MYO16: variants seen among roughly 807,000 people sequenced by gnomAD.
The protein encoded by MYO16 is myosin XVI, also known as unconventional myosin-XVI.
In MYO16, 94 loss-of-function variants were observed where a neutral mutation model predicts 205.3. That is an observed-to-expected ratio of 0.46 (90% CI 0.39 to 0.54). The LOEUF is 0.54. MYO16 is among the 20% of genes least tolerant of loss of function. MYO16 has a pLI of 0.00. For missense variants in MYO16, 2,315 were observed against 2,387.5 expected (o/e 0.97, Z 0.63); for synonymous variants, 988 against 954.0 (o/e 1.04, Z -0.66).
At chr13:108,862,683 T>C (rs1313889614) in intron 11 of MYO16, among the ~76,000 whole-genome samples, 1 of 152,202 alleles carries the variant, frequency 6.6e-6, no homozygotes, top group African/African-American at 2.4e-5. Context: ...TTCTTAAACA[T>C]GTGTTAGCTA....
chr13:108,556,235 G>T, the MYO16 span, among the ~76,000 whole-genome samples: 1 of 152,002 alleles, frequency 6.6e-6, no homozygotes. Context: ...TCAATAATGG[G>T]TGTACTAATT....
intron 23 of MYO16, among the ~76,000 whole-genome samples, chr13:109,024,026 ATGTATATATT>A (rs1886272395): frequency 1.9e-5 from 2 of 105,078 alleles, no homozygotes; most frequent in Admixed American, 1.1e-4. Flanking sequence ...TACAATGTGT[ATGTATATATT>A]TATATTTATA....
At chr13:108,902,954 C>T (rs1286886944) in intron 15 of MYO16, among the ~76,000 whole-genome samples, 3 of 152,164 alleles carry the variant, frequency 2.0e-5, no homozygotes, top group Non-Finnish European at 2.9e-5. Context: ...GTGATGAAAT[C>T]TCCTGCCCTC....
At chr13:109,086,722 T>A (rs1263024566) in intron 27 of MYO16, among the ~76,000 whole-genome samples, 1 of 152,198 alleles carries the variant, frequency 6.6e-6, no homozygotes, top group African/African-American at 2.4e-5. Flanking sequence ...TCCCTCAGAA[T>A]ATGTGTCTGG....
intron 1 of MYO16, among the ~76,000 whole-genome samples, chr13:108,637,033 C>T (rs1039741959): frequency 3.9e-5 from 6 of 152,162 alleles, no homozygotes; most frequent in Non-Finnish European, 7.4e-5. Flanking sequence ...ATATCCATAT[C>T]TGTGTCCATA....
chr13:108,841,484 T>G (rs1877241198), intron 9 of MYO16, among the ~76,000 whole-genome samples: 1 of 152,126 alleles, frequency 6.6e-6, no homozygotes, highest in African/African-American at 2.4e-5. Flanking sequence ...CAGGAGAAAT[T>G]TTTGGTAACA....
At chr13:109,010,381 T>C (rs1186890125) in intron 22 of MYO16, among the ~76,000 whole-genome samples, 1 of 152,310 alleles carries the variant, frequency 6.6e-6, no homozygotes, top group East Asian at 1.9e-4. Context: ...CCAGAAAACA[T>C]AACACACAAG....
chr13:109,010,210 C>G (rs1026551207), intron 22 of MYO16, among the ~76,000 whole-genome samples: 1 of 152,152 alleles, frequency 6.6e-6, no homozygotes, highest in African/African-American at 2.4e-5. Flanking sequence ...TAGAGCCATG[C>G]AATCTCTTCT....
intron 12 of MYO16, among the ~76,000 whole-genome samples, chr13:108,867,094 A>T (rs1878757134): frequency 1.3e-5 from 2 of 152,144 alleles, no homozygotes; most frequent in Non-Finnish European, 1.5e-5. Context: ...CTGTAATTCT[A>T]GCACTTTGGA....
the MYO16 span, among the ~76,000 whole-genome samples, chr13:108,524,621 A>C: frequency 1.3e-5 from 2 of 152,142 alleles, no homozygotes; most frequent in African/African-American, 4.8e-5. Flanking sequence ...GTGCTTTCTC[A>C]TTTCTGTGTC....
chr13:108,641,882 C>T (rs1267197712), intron 1 of MYO16, among the ~76,000 whole-genome samples: 1 of 152,172 alleles, frequency 6.6e-6, no homozygotes, highest in East Asian at 1.9e-4. Context: ...GCCTGGCATA[C>T]TTGGCCAGTG....
chr13:108,583,594 G>A, the MYO16 span, among the ~76,000 whole-genome samples: 1 of 152,122 alleles, frequency 6.6e-6, no homozygotes, highest in African/African-American at 2.4e-5. Context: ...TGAAATCATA[G>A]CATGTATTAT....
At chr13:109,172,552 C>T (rs1345585886) in intron 33 of MYO16, among the ~76,000 whole-genome samples, 1 of 152,172 alleles carries the variant, frequency 6.6e-6, no homozygotes, top group Non-Finnish European at 1.5e-5. Flanking sequence ...GTGCTTAAGG[C>T]ATCATTCTGC....
chr13:109,041,065 A>G (rs1886870169), intron 23 of MYO16, among the ~76,000 whole-genome samples: 1 of 152,208 alleles, frequency 6.6e-6, no homozygotes, highest in Admixed American at 6.5e-5. Context: ...ATTTCTGTAT[A>G]CTAGCAATGG....
At chr13:109,101,822 T>G (rs74119825) in intron 28 of MYO16, 15 of 152,168 alleles carry the variant, frequency 9.9e-5, no homozygotes. Context: ...TAAAAAGTGA[T>G]AGGGAGAATA....
intron 1 of MYO16, among the ~76,000 whole-genome samples, chr13:108,661,327 T>C (rs1033092206): frequency 6.6e-6 from 1 of 152,264 alleles, no homozygotes; most frequent in Non-Finnish European, 1.5e-5. Flanking sequence ...GATGTCTAGG[T>C]CTCTCTCAAG....
intron 23 of MYO16, among the ~76,000 whole-genome samples, chr13:109,040,955 A>C (rs1312466638): frequency 1.3e-5 from 2 of 152,182 alleles, no homozygotes; most frequent in Admixed American, 6.5e-5. Flanking sequence ...TAAAATCCCA[A>C]GAAATCTACC....
chr13:109,108,745 G>C (rs1277291351), intron 28 of MYO16, among the ~76,000 whole-genome samples: 4 of 152,172 alleles, frequency 2.6e-5, no homozygotes, highest in Non-Finnish European at 5.9e-5. Context: ...CAGTTGTCAT[G>C]CAGGGCATTT....
chr13:108,757,481 G>T (rs538022859), intron 4 of MYO16, among the ~76,000 whole-genome samples: 3 of 146,704 alleles, frequency 2.0e-5, no homozygotes, highest in Non-Finnish European at 4.4e-5. Flanking sequence ...AGTTTTTTGG[G>T]GTTTTTTTTA....
Sources: gnomAD v4.1 joint callset for allele counts (sites outside exome capture counted in the v4.1 genomes callset) on GRCh38, gnomAD v4.1.1 for gene constraint, MANE v1.5 for transcripts, NCBI Gene and HGNC (gene_info 2026-07-23, HGNC 2026-07-21) for gene names.